The following ZNRF3 variants were observed in gnomAD, a reference collection of about 807,000 sequenced individuals.
ZNRF3 encodes the protein E3 ubiquitin-protein ligase ZNRF3.
Under a neutral mutation model 72.5 loss-of-function variants are expected in ZNRF3, and 23 were observed. That is an observed-to-expected ratio of 0.32 (90% confidence interval 0.23 to 0.45). The LOEUF is 0.45. Among genes scored for constraint, ZNRF3 ranks in the 20% least tolerant of loss-of-function variants. The pLI is 1.00. For synonymous variants in ZNRF3, 610 were observed against 545.3 expected (o/e 1.12, Z -1.65); for missense variants, 1,169 against 1,272.1 (o/e 0.92, Z 1.23).
chr22:28,990,153 G>A lies in ZNRF3; in HGVS notation c.426+2952G>A, dbSNP rs371152905. 2.1e-3 allele frequency among the ~76,000 whole-genome samples: 314 copies of A among 152,328 alleles called. 1 individual carries two copies. Among genetic ancestry groups the A allele is most frequent in the Non-Finnish European group, 3.6e-3 (242 of 68,030 alleles). ...CAGGCCCAGCCTCAGACCAGGCATG[G>A]GCGCATCTCTCCAGCTTTCTGAGCC... On this transcript the variant is annotated intron_variant, in intron 2 of 8. Coordinates refer to ENST00000544604, the MANE Select transcript of ZNRF3 (RefSeq NM_001206998.2).
chr22:29,021,461 C>T (rs2036537805), intron 2 of ZNRF3, among the ~76,000 whole-genome samples: 1 of 151,264 alleles, frequency 6.6e-6, no homozygotes, highest in Non-Finnish European at 1.5e-5. Context: ...AGAATAGTTG[C>T]AGATTCTCCC....
At chr22:28,891,649 T>C (rs981239073) in intron 1 of ZNRF3, among the ~76,000 whole-genome samples, 81 of 152,214 alleles carry the variant, frequency 5.3e-4, no homozygotes, top group African/African-American at 1.6e-3. Context: ...TTCTAAGCCA[T>C]TTCTGTTTTC....
At chr22:28,985,884 C>T (rs950497916) in intron 1 of ZNRF3, among the ~76,000 whole-genome samples, 2 of 152,210 alleles carry the variant, frequency 1.3e-5, no homozygotes, top group East Asian at 3.9e-4. Flanking sequence ...TTCAGGGCTA[C>T]ATTCTTTCTG....
In ZNRF3 at chr22:29,050,357, G is replaced by C. The variant is rs771030853; in HGVS notation, c.2176G>C (p.Gly726Arg). ...GCCCTCCCCAGCCGGGCCTAGCGCC[G>C]GAGCAGCTGGCAGCAGCACCTTGTT... is the stretch of plus-strand genomic sequence containing the variant. ...PQPSPAGPSAGAAGSSTLFLG... is the reference protein window; with the variant it reads ...PQPSPAGPSARAAGSSTLFLG... Residue 726 changes from glycine (G) to arginine (R), a missense_variant, in exon 8 of 9, where the codon GGA (glycine) becomes CGA (arginine). By Grantham distance (125) the Gly-to-Arg change is moderately radical. This residue lies in a region of ZNRF3 where 783 missense variants were observed against 731.4 expected (regional missense o/e 1.07). Transcript: ENST00000544604. 1.2e-6 allele frequency: 2 copies of C among 1,603,202 alleles called. No homozygotes were observed. The highest frequency in any genetic ancestry group is 1.7e-6 in the Non-Finnish European group (2 of 1,175,756).
chr22:28,925,160 C>G (rs909385578), intron 1 of ZNRF3, among the ~76,000 whole-genome samples: 5 of 152,146 alleles, frequency 3.3e-5, no homozygotes, highest in Non-Finnish European at 5.9e-5. Context: ...AAGAAGCCTG[C>G]CAAACGGAGT....
chr22:28,943,089 A>G (rs1351817611), intron 1 of ZNRF3, among the ~76,000 whole-genome samples: 3 of 152,054 alleles, frequency 2.0e-5, no homozygotes, highest in African/African-American at 7.2e-5. Flanking sequence ...TCTTTACCCT[A>G]TTTCCCCCTT....
chr22:28,939,835 C>T (rs930042273), intron 1 of ZNRF3, among the ~76,000 whole-genome samples: 11 of 152,270 alleles, frequency 7.2e-5, no homozygotes, highest in Middle Eastern at 6.8e-3. Flanking sequence ...TTTTTCACCT[C>T]TTCCAACCAT....
chr22:29,007,984 A>C (rs997620245), intron 2 of ZNRF3, among the ~76,000 whole-genome samples: 38 of 151,786 alleles, frequency 2.5e-4, no homozygotes, highest in African/African-American at 8.2e-4. Context: ...TCGAACTCCC[A>C]ATCTCAGGTG....
At chr22:28,926,041 G>A (rs1272935988) in intron 1 of ZNRF3, among the ~76,000 whole-genome samples, 1 of 152,172 alleles carries the variant, frequency 6.6e-6, no homozygotes, top group Non-Finnish European at 1.5e-5. Context: ...CCAGGAAGTT[G>A]CACCTGGAGG....
At chr22:28,900,199 CCTT>C (rs2034077257) in intron 1 of ZNRF3, among the ~76,000 whole-genome samples, 1 of 152,142 alleles carries the variant, frequency 6.6e-6, no homozygotes, top group Non-Finnish European at 1.5e-5. Flanking sequence ...TCCCCCAGCT[CCTT>C]ATTTATATTC....
At chr22:29,038,702 C>G (rs559050710) in intron 2 of ZNRF3, among the ~76,000 whole-genome samples, 2 of 152,168 alleles carry the variant, frequency 1.3e-5, no homozygotes, top group East Asian at 3.9e-4. Flanking sequence ...TATTCATGGC[C>G]TATTTTAAAT....
chr22:28,968,799 T>C (rs1370198677), intron 1 of ZNRF3, among the ~76,000 whole-genome samples: 3 of 152,230 alleles, frequency 2.0e-5, no homozygotes, highest in Non-Finnish European at 4.4e-5. Context: ...GGCTGTCTTC[T>C]TGAGTTAGTT....
At chr22:28,976,124 A>G (rs1398746754) in intron 1 of ZNRF3, among the ~76,000 whole-genome samples, 1 of 152,158 alleles carries the variant, frequency 6.6e-6, no homozygotes, top group East Asian at 1.9e-4. Context: ...TAGTTCACTA[A>G]TTTTCCTAAA....
At chr22:28,965,668 G>A (rs1263566570) in intron 1 of ZNRF3, among the ~76,000 whole-genome samples, 1 of 152,218 alleles carries the variant, frequency 6.6e-6, no homozygotes, top group Non-Finnish European at 1.5e-5. Context: ...AGACAGAAGG[G>A]CTGGCAGGGA....
At chr22:29,007,073 G>A (rs1055570032) in intron 2 of ZNRF3, among the ~76,000 whole-genome samples, 3 of 152,174 alleles carry the variant, frequency 2.0e-5, no homozygotes, top group Non-Finnish European at 2.9e-5. Flanking sequence ...GGAGAGAATT[G>A]TTATCAGATG....
intron 2 of ZNRF3, among the ~76,000 whole-genome samples, chr22:28,989,332 G>A (rs1028450059): frequency 2.6e-5 from 4 of 152,256 alleles, no homozygotes; most frequent in South Asian, 4.1e-4. Flanking sequence ...TAGGAGGTGC[G>A]ATGAGTCAAG....
Position 28,896,227 on chromosome 22 carries a change from C to T in ZNRF3, c.300+12161C>T, listed in dbSNP as rs147150109. Reference sequence around the variant, plus strand: ...TTGGCTCACTGCAACCTCCGCCTCCCGGGTTCAAGCGATTCTCCTGCCTCA... The same window carrying T: ...TTGGCTCACTGCAACCTCCGCCTCCTGGGTTCAAGCGATTCTCCTGCCTCA... On this transcript the variant is annotated intron_variant, in intron 1 of 8. Transcript: ENST00000544604. Among the ~76,000 whole-genome samples the T allele has an allele frequency of 0.019, 2,808 of 151,050 alleles. 179 individuals are homozygous for T. The East Asian group carries it at 0.25, about 13-fold the overall frequency.
chr22:28,954,044 C>T (rs1202096070), intron 1 of ZNRF3, among the ~76,000 whole-genome samples: 1 of 152,140 alleles, frequency 6.6e-6, no homozygotes, highest in Non-Finnish European at 1.5e-5. Flanking sequence ...GCACCTAGGA[C>T]AGGGCCTGGC....
intron 1 of ZNRF3, among the ~76,000 whole-genome samples, chr22:28,884,381 TC>T (rs1449819364): frequency 6.6e-6 from 1 of 152,202 alleles, no homozygotes; most frequent in Non-Finnish European, 1.5e-5. Context: ...CAGGTGGAAG[TC>T]CCGGGAACTA....
Sources: gnomAD v4.1 joint callset for allele counts (sites outside exome capture counted in the v4.1 genomes callset) on GRCh38, gnomAD v4.1.1 for gene constraint, gnomAD v4.1.1 regional missense constraint, MANE v1.5 for transcripts, NCBI Gene and HGNC (gene_info 2026-07-23, HGNC 2026-07-21) for gene names.